The following ARHGEF37 variants were observed in gnomAD, a reference collection of about 807,000 sequenced individuals.
ARHGEF37 encodes the protein Rho guanine nucleotide exchange factor (GEF) 37.
Under a neutral mutation model 71.1 loss-of-function variants are expected in ARHGEF37, and 55 were observed. The observed-to-expected ratio is 0.77, with a 90% CI of 0.62 to 0.97. The LOEUF is 0.97. Among genes scored for constraint, ARHGEF37 ranks in the 50% least tolerant of loss-of-function variants. ARHGEF37 has a pLI of 0.00. For missense variants in ARHGEF37, 765 were observed against 836.8 expected (o/e 0.91, Z 1.06); for synonymous variants, 327 against 350.6 (o/e 0.93, Z 0.75).
chr5:149,595,831 C>G (rs564630564), intron 1 of ARHGEF37, among the ~76,000 whole-genome samples: 21 of 152,132 alleles, frequency 1.4e-4, no homozygotes, highest in Admixed American at 1.4e-3. Flanking sequence ...GGACCTAAAC[C>G]CAGTGAAGGC....
At chr5:149,619,087 TC>T in intron 7 of ARHGEF37, 45 bp downstream of exon 7, 29 of 1,553,166 alleles carry the variant, frequency 1.9e-5, no homozygotes, top group Non-Finnish European at 2.6e-5. Flanking sequence ...TGGGCTGGGT[TC>T]CCCTGGCAGG....
At chr5:149,595,508 A>G (rs956753158) in intron 1 of ARHGEF37, among the ~76,000 whole-genome samples, 3 of 152,034 alleles carry the variant, frequency 2.0e-5, no homozygotes, top group Admixed American at 1.3e-4. Flanking sequence ...AACATTATAC[A>G]GGTCTGTATT....
At chr5:149,555,293 T>C (rs1762738721) in intron 1 of ARHGEF37, among the ~76,000 whole-genome samples, 1 of 152,082 alleles carries the variant, frequency 6.6e-6, no homozygotes, top group Non-Finnish European at 1.5e-5. Flanking sequence ...ATAATAATTG[T>C]ATTTTTTAAT....
At chr5:149,583,213 T>C (rs1763151263) in intron 1 of ARHGEF37, among the ~76,000 whole-genome samples, 1 of 152,244 alleles carries the variant, frequency 6.6e-6, no homozygotes, top group Admixed American at 6.5e-5. Flanking sequence ...CTTGGTTCAC[T>C]GCAACCTCCG....
At chr5:149,609,967 A>G (rs1764031562) in intron 4 of ARHGEF37, among the ~76,000 whole-genome samples, 1 of 152,208 alleles carries the variant, frequency 6.6e-6, no homozygotes. Context: ...TCGGCACCCA[A>G]ACTCACAGCA....
rs961291017 is a variant in ARHGEF37 at position 149,633,415 on chromosome 5, C to A, written c.*1224C>A. On this transcript the variant is annotated 3_prime_UTR_variant, in exon 13 of 13. Transcript: ENST00000333677. ...TTGGGGGGCTTCTCAATACTGCATT[C>A]TATGTAGCCAGCCTCTTTAACTTGG... The A allele has an allele frequency of 1.3e-5, 2 of 152,240 alleles. No homozygotes were observed. Among genetic ancestry groups the A allele is most frequent in the African/African-American group, 4.8e-5 (2 of 41,460 alleles). The allele number at this position is 152,240 out of a possible 1,614,324, so 9.4% of individuals were successfully genotyped here. A position where few individuals can be genotyped will look rare whatever the true frequency, so the allele number is the denominator to read the frequency against.
intron 4 of ARHGEF37, among the ~76,000 whole-genome samples, chr5:149,611,798 C>A (rs2113348159): frequency 6.6e-6 from 1 of 152,318 alleles, no homozygotes; most frequent in South Asian, 2.1e-4. Context: ...CAGTGCCATG[C>A]TCCCTTGTTA....
At position 149,556,433 on chromosome 5, in the gene ARHGEF37, C is replaced by G. The variant is rs138957315; in HGVS notation, c.-12+4310C>G. The stretch of plus-strand genomic sequence containing the variant: ...ATGGAGTCTCGCTCTTGTTGTCCAA[C>G]CTGGAGTGCAATGGTGCAATTTTGC... On this transcript the variant is annotated intron_variant, in intron 1 of 2. Transcript: ENST00000505810. Among the ~76,000 whole-genome samples, 1,460 of 151,672 alleles carry G rather than the reference C, an allele frequency of 9.6e-3. 19 individuals carry two copies. Among genetic ancestry groups the G allele is most frequent in the African/African-American group, 0.033 (1,364 of 41,292 alleles).
At chr5:149,558,626 G>A (rs1762784132) in intron 1 of ARHGEF37, among the ~76,000 whole-genome samples, 1 of 151,852 alleles carries the variant, frequency 6.6e-6, no homozygotes, top group Non-Finnish European at 1.5e-5. Flanking sequence ...AAAGTGCTGG[G>A]ATTACAGGCG....
intron 1 of ARHGEF37, among the ~76,000 whole-genome samples, chr5:149,571,127 AGATGGG>A (rs958810756): frequency 6.6e-6 from 1 of 151,914 alleles, no homozygotes; most frequent in African/African-American, 2.4e-5. Context: ...TATTTAGTAG[AGATGGG>A]GTTTCACCAT....
At chr5:149,624,288 A>C (rs10037341) in intron 10 of ARHGEF37, 148 bp downstream of exon 10, 789,745 of 1,126,648 alleles carry the variant, frequency 0.7, 279,969 homozygotes, top group Middle Eastern at 0.82. Context: ...TCTCCTTTCT[A>C]TTTGAGCTGG....
upstream of ARHGEF37, chr5:149,551,832 G>T (rs952843598): frequency 6.6e-6 from 1 of 152,078 alleles, no homozygotes; most frequent in Non-Finnish European, 1.5e-5. Context: ...CTTTCTTCTG[G>T]CCGTTCCCCC....
intron 3 of ARHGEF37, 29 bp from the exon 4 acceptor site, chr5:149,609,519 A>T (rs1764013216): frequency 1.2e-6 from 2 of 1,611,702 alleles, no homozygotes; most frequent in African/African-American, 2.7e-5. Context: ...CATGCCCTTG[A>T]CGACCCCTTG....
chr5:149,631,997 C>A lies in ARHGEF37; in HGVS notation c.1834C>A (p.Pro612Thr). Residue 612 changes from proline (P) to threonine (T), a missense_variant, in exon 13 of 13, where the codon CCT becomes ACT. By Grantham distance (38) the Pro-to-Thr change is conservative. Coordinates refer to ENST00000333677, the MANE Select transcript of ARHGEF37 (RefSeq NM_001001669.3). ...PTMNQVIAAY[P>T]FVARSSHEVS... ...TGTGTTTCAGGTCATAGCCGCGTACCCTTTTGTGGCCAGAAGCAGCCATGA... is the reference window on the plus strand; with the variant it reads ...TGTGTTTCAGGTCATAGCCGCGTACACTTTTGTGGCCAGAAGCAGCCATGA... The A allele has an allele frequency of 6.2e-7, 1 of 1,614,234 alleles. No homozygotes were observed. Among genetic ancestry groups the A allele is most frequent in the Middle Eastern group, 1.6e-4 (1 of 6,062 alleles).
chr5:149,627,409 C>A, intron 11 of ARHGEF37, 138 bp downstream of exon 11: 3 of 887,930 alleles, frequency 3.4e-6, no homozygotes, highest in South Asian at 3.4e-5. Flanking sequence ...GTGACACACA[C>A]AGGGCTCAGG....
chr5:149,616,454 G>A (rs1752380701), intron 4 of ARHGEF37, 113 bp from the exon 5 acceptor site: 1 of 976,588 alleles, frequency 1.0e-6, no homozygotes, highest in South Asian at 1.9e-5. Context: ...GAGAGGGGGT[G>A]ACTTGCCTGA....
At chr5:149,584,196 T>TA (rs916864051) in intron 1 of ARHGEF37, among the ~76,000 whole-genome samples, 24 of 151,922 alleles carry the variant, frequency 1.6e-4, no homozygotes, top group South Asian at 4.2e-4. Context: ...ATAACTGCTT[T>TA]AAAAAAAAAC....
At chr5:149,609,419 T>C (rs1317314189) in intron 3 of ARHGEF37, 129 bp from the exon 4 acceptor site, 4 of 1,001,506 alleles carry the variant, frequency 4.0e-6, no homozygotes, top group Non-Finnish European at 6.0e-6. Flanking sequence ...CATTTGCCCA[T>C]GGTGACATGC....
chr5:149,582,006 C>T (rs1249965122), intron 1 of ARHGEF37, among the ~76,000 whole-genome samples: 2 of 152,160 alleles, frequency 1.3e-5, no homozygotes, highest in African/African-American at 4.8e-5. Context: ...AGAATCCTTG[C>T]CAAGCAAAAT....
Sources: allele counts gnomAD v4.1 joint callset (sites outside exome capture counted in the v4.1 genomes callset), GRCh38; gene constraint gnomAD v4.1.1; transcripts MANE v1.5; gene names NCBI Gene and HGNC (gene_info 2026-07-23, HGNC 2026-07-21).